KIAA1217: variants seen among roughly 807,000 people sequenced by gnomAD.
KIAA1217 encodes KIAA1217, also known as sickle tail protein homolog.
A neutral mutation model predicts 163.9 loss-of-function variants in KIAA1217; 88 were observed. The ratio of observed to expected loss-of-function variants is 0.54; its 90% confidence interval spans 0.45 to 0.64. The LOEUF (loss-of-function observed/expected upper bound fraction) is 0.64. KIAA1217 is among the 30% of genes least tolerant of loss of function. The pLI is 0.00. For synonymous variants in KIAA1217, 903 were observed against 923.1 expected (o/e 0.98, Z 0.39); for missense variants, 2,372 against 2,475.0 (o/e 0.96, Z 0.88).
chr10:24,289,468 A>G lies in KIAA1217; in HGVS notation c.354+69559A>G, dbSNP rs78071242. On this transcript the variant is annotated intron_variant, in intron 2 of 20. Transcript: ENST00000376454. The stretch of plus-strand genomic sequence containing the variant: ...AAGGTGGAGGAGGAGGGATGGAAAT[A>G]TTTTTTCCACTGCCAATGATGGAAG... Among the ~76,000 whole-genome samples, 1,452 of 152,024 alleles carry G rather than the reference A, an allele frequency of 9.6e-3. 29 individuals are homozygous for G. Among genetic ancestry groups the G allele is most frequent in the East Asian group, 0.084 (435 of 5,166 alleles).
At chr10:24,071,411 T>C (rs963124220) in intron 2 of KIAA1217, among the ~76,000 whole-genome samples, 3 of 152,214 alleles carry the variant, frequency 2.0e-5, no homozygotes, top group Admixed American at 1.3e-4. Flanking sequence ...TCTTTCCATT[T>C]GTTCTTAAGT....
intron 2 of KIAA1217, among the ~76,000 whole-genome samples, chr10:24,376,532 A>G (rs1675934864): frequency 6.6e-6 from 1 of 152,162 alleles, no homozygotes; most frequent in Non-Finnish European, 1.5e-5. Flanking sequence ...GGAGACTGAG[A>G]TGAAAGGATC....
chr10:24,358,262 C>T (rs536699591), intron 2 of KIAA1217, among the ~76,000 whole-genome samples: 9 of 152,130 alleles, frequency 5.9e-5, no homozygotes, highest in African/African-American at 2.2e-4. Context: ...CAAAAATAAG[C>T]AGAGTTCTCA....
chr10:23,848,672 C>G (rs1839160634), intron 1 of KIAA1217, among the ~76,000 whole-genome samples: 1 of 151,986 alleles, frequency 6.6e-6, no homozygotes, highest in African/African-American at 2.4e-5. Flanking sequence ...TTCTCAACAC[C>G]TCCCTTTCTC....
chr10:24,124,454 T>A (rs1239839281), intron 2 of KIAA1217, among the ~76,000 whole-genome samples: 1 of 152,116 alleles, frequency 6.6e-6, no homozygotes, highest in African/African-American at 2.4e-5. Flanking sequence ...CTTATTGATA[T>A]CATGATTAGG....
Position 24,422,160 on chromosome 10 carries a change from A to G in KIAA1217, c.554-10835A>G, listed in dbSNP as rs568694284. 2.6e-5 allele frequency among the ~76,000 whole-genome samples: 4 copies of G among 152,280 alleles called. No individual in the cohort carries two copies. The South Asian group carries it at 8.3e-4, about 32-fold the overall frequency. On this transcript the variant is annotated intron_variant, in intron 3 of 20. Transcript: ENST00000376454. ...GAGACTTATTCACTATCACAAGAAC[A>G]GCATGGGAAAGACCCACCCCCATGA...
At chr10:24,009,705 G>A (rs1415591699) in intron 2 of KIAA1217, among the ~76,000 whole-genome samples, 1 of 152,152 alleles carries the variant, frequency 6.6e-6, no homozygotes, top group Admixed American at 6.6e-5. Context: ...CAGTCACTAA[G>A]TGGTAAGCCC....
intron 1 of KIAA1217, among the ~76,000 whole-genome samples, chr10:23,955,049 G>A (rs1844499551): frequency 6.6e-6 from 1 of 152,124 alleles, no homozygotes; most frequent in African/African-American, 2.4e-5. Flanking sequence ...AGTTATGTAG[G>A]ACTTACTGTG....
At chr10:24,479,728 C>G (rs964615675) in intron 6 of KIAA1217, among the ~76,000 whole-genome samples, 2 of 152,008 alleles carry the variant, frequency 1.3e-5, no homozygotes, top group Non-Finnish European at 2.9e-5. Flanking sequence ...TCTGGCAAGG[C>G]CTTTTGTGCT....
chr10:24,485,338 C>T (rs997537159), intron 6 of KIAA1217, among the ~76,000 whole-genome samples: 35 of 152,276 alleles, frequency 2.3e-4, no homozygotes, highest in African/African-American at 8.2e-4. Flanking sequence ...CTGCCAAGAA[C>T]TCAACTCCAT....
At chr10:23,789,043 T>A (rs978097426) in intron 1 of KIAA1217, among the ~76,000 whole-genome samples, 5 of 152,228 alleles carry the variant, frequency 3.3e-5, no homozygotes, top group East Asian at 3.8e-4. Context: ...TCTTTTTGCA[T>A]CTCTATAATT....
At chr10:24,479,050 G>C (rs182175102) in intron 6 of KIAA1217, among the ~76,000 whole-genome samples, 1 of 152,124 alleles carries the variant, frequency 6.6e-6, no homozygotes, top group Non-Finnish European at 1.5e-5. Context: ...GTTACACTAG[G>C]AAGAAAAATT....
intron 2 of KIAA1217, among the ~76,000 whole-genome samples, chr10:24,316,209 TAAATTACTGTGATTTGAGTCCCTTCAA>T (rs2043347128): frequency 6.6e-6 from 1 of 152,200 alleles, no homozygotes; most frequent in African/African-American, 2.4e-5. Context: ...CATCAGTTGT[TAAATTACTGTGATTTGAGTCCCTTCAA>T]AGTGAGATCC....
intron 2 of KIAA1217, among the ~76,000 whole-genome samples, chr10:24,314,973 A>G (rs540929726): frequency 2.0e-4 from 31 of 152,108 alleles, no homozygotes; most frequent in Non-Finnish European, 4.0e-4. Context: ...AAATAATAAA[A>G]TAAACCCATT....
rs1432249378 is a variant in KIAA1217, at chr10:23,894,140, G to A, written c.-320-113085G>A. Among the ~76,000 whole-genome samples, 181 of 148,720 alleles carry A rather than the reference G, an allele frequency of 1.2e-3. 1 individual carries two copies. The highest frequency in any genetic ancestry group is 2.1e-3 in the Non-Finnish European group (141 of 66,376). On this transcript the variant is annotated intron_variant, in intron 1 of 18. Transcript: ENST00000376462. ...ACATAGTGTTGGAAGTTCTGGCCAG[G>A]GCAATTAGGCAGGAGAAGGAAATAA...
rs2075736674 is a variant in KIAA1217 at position 24,546,739 on chromosome 10, T to C, written c.*415T>C. 6.4e-6 allele frequency: 1 copy of C among 156,894 alleles called. No homozygotes were observed. The highest frequency in any genetic ancestry group is 2.4e-5 in the African/African-American group (1 of 41,574). The allele number at this position is 156,894 out of a possible 1,614,324, so 9.7% of individuals were successfully genotyped here. On this transcript the variant is annotated 3_prime_UTR_variant, in exon 21 of 21. Transcript: ENST00000376454. ...AATTACACAAGTGTGACTATACAAA[T>C]TGTAAAACAGATACTATAATATTTC...
chr10:23,910,415 G>A (rs1842384592), intron 1 of KIAA1217, among the ~76,000 whole-genome samples: 1 of 152,090 alleles, frequency 6.6e-6, no homozygotes, highest in Non-Finnish European at 1.5e-5. Context: ...AGGAAGAGAA[G>A]GACAGGAGGA....
chr10:23,725,465 C>T (rs1182723856), intron 1 of KIAA1217, among the ~76,000 whole-genome samples: 1 of 152,172 alleles, frequency 6.6e-6, no homozygotes, highest in African/African-American at 2.4e-5. Context: ...CCTTTACAGG[C>T]TGTGATGTGG....
chr10:23,798,549 G>A (rs1380554802), intron 1 of KIAA1217, among the ~76,000 whole-genome samples: 1 of 152,140 alleles, frequency 6.6e-6, no homozygotes, highest in African/African-American at 2.4e-5. Flanking sequence ...CTTGAGTATA[G>A]TAGTTTTTTT....
Sources: gnomAD v4.1 joint callset for allele counts (sites outside exome capture counted in the v4.1 genomes callset) on GRCh38, gnomAD v4.1.1 for gene constraint, MANE v1.5 for transcripts, NCBI Gene and HGNC (gene_info 2026-07-23, HGNC 2026-07-21) for gene names.